Variants in RIT2 observed in about 807,000 individuals in gnomAD.
RIT2 encodes the protein Ras like without CAAX 2.
A neutral mutation model predicts 23.7 loss-of-function variants in RIT2; 24 were observed. That is an observed-to-expected ratio of 1.01 (90% CI 0.73 to 1.43). RIT2 has a LOEUF of 1.43. Among genes scored for constraint, RIT2 ranks in the 40% most tolerant of loss-of-function variants. The probability of loss-of-function intolerance (pLI) is 0.00; values close to 1 mark genes in which losing one functional copy is unlikely to be tolerated. For missense variants in RIT2, 236 were observed against 266.9 expected (o/e 0.88, Z 0.81); for synonymous variants, 107 against 91.1 (o/e 1.17, Z -0.99).
chr18:42,802,263 C>T (rs1241548706), intron 4 of RIT2, among the ~76,000 whole-genome samples: 1 of 152,026 alleles, frequency 6.6e-6, no homozygotes, highest in African/African-American at 2.4e-5. Context: ...TATCTGTAAA[C>T]CAGTTTATAC....
chr18:43,061,917 T>A (rs1435320333), intron 1 of RIT2, among the ~76,000 whole-genome samples: 1 of 152,106 alleles, frequency 6.6e-6, no homozygotes, highest in Non-Finnish European at 1.5e-5. Context: ...TCCTGCCCAC[T>A]GAGCTGCGGG....
intron 3 of RIT2, among the ~76,000 whole-genome samples, chr18:42,942,653 T>G (rs1470584893): frequency 6.6e-6 from 1 of 152,028 alleles, no homozygotes; most frequent in Non-Finnish European, 1.5e-5. Flanking sequence ...GTCCATTAGG[T>G]GAACTGTTAG....
In RIT2 at chr18:43,115,539, G is replaced by GA; in HGVS notation, c.-21dup. The GA allele has an allele frequency of 1.9e-6, 3 of 1,597,894 alleles. No individual in the cohort carries two copies. The highest frequency in any genetic ancestry group is 2.6e-6 in the Non-Finnish European group (3 of 1,175,480). ...CTCCATCTTACCCGAGGGACCGGAG[G>GA]AAAAAAAGAAGGAGAAAGTCACCCG... On this transcript the variant is annotated 5_prime_UTR_variant, in exon 1 of 5. Coordinates refer to ENST00000326695, the MANE Select transcript of RIT2 (RefSeq NM_002930.4).
At chr18:42,970,242 A>G (rs913548753) in intron 3 of RIT2, among the ~76,000 whole-genome samples, 1 of 151,572 alleles carries the variant, frequency 6.6e-6, no homozygotes, top group Non-Finnish European at 1.5e-5. Flanking sequence ...TTCTCAGCTC[A>G]TTGTAAGAAA....
At chr18:42,951,601 AT>A (rs200088629) in intron 3 of RIT2, among the ~76,000 whole-genome samples, 19 of 116,414 alleles carry the variant, frequency 1.6e-4, no homozygotes, top group East Asian at 1.1e-3. Context: ...AGAAAAAAAT[AT>A]ATATATATAT....
intron 3 of RIT2, among the ~76,000 whole-genome samples, chr18:42,962,715 T>C (rs1481995293): frequency 6.6e-6 from 1 of 152,204 alleles, no homozygotes; most frequent in African/African-American, 2.4e-5. Context: ...AGGGACTCCA[T>C]TTAGTTTCAA....
chr18:42,793,967 T>C (rs1045184671), intron 4 of RIT2, among the ~76,000 whole-genome samples: 2 of 152,160 alleles, frequency 1.3e-5, no homozygotes, highest in African/African-American at 4.8e-5. Context: ...TCCAAATCCC[T>C]TACAATTTCT....
chr18:42,845,438 TA>T (rs1408915655), intron 4 of RIT2, among the ~76,000 whole-genome samples: 3 of 150,484 alleles, frequency 2.0e-5, no homozygotes, highest in Non-Finnish European at 4.4e-5. Context: ...TATATAATTT[TA>T]TTTTTTTAAG....
chr18:43,112,219 G>A (rs916592095), intron 1 of RIT2, among the ~76,000 whole-genome samples: 2 of 152,090 alleles, frequency 1.3e-5, no homozygotes, highest in Non-Finnish European at 2.9e-5. Flanking sequence ...ACATAATGTA[G>A]TAGAGTTAGA....
At chr18:43,045,957 TATA>T (rs1912237590) in intron 1 of RIT2, among the ~76,000 whole-genome samples, 1 of 152,176 alleles carries the variant, frequency 6.6e-6, no homozygotes, top group African/African-American at 2.4e-5. Flanking sequence ...TGATAATCTT[TATA>T]ATATTATATT....
At chr18:42,792,572 CTAATT>C (rs1914067892) in intron 4 of RIT2, among the ~76,000 whole-genome samples, 1 of 152,220 alleles carries the variant, frequency 6.6e-6, no homozygotes, top group East Asian at 1.9e-4. Flanking sequence ...TATTCATTCT[CTAATT>C]TAATCCACAG....
chr18:42,871,315 T>C (rs1907616201), intron 4 of RIT2, among the ~76,000 whole-genome samples: 1 of 152,182 alleles, frequency 6.6e-6, no homozygotes, highest in African/African-American at 2.4e-5. Context: ...TCTGAAGAAG[T>C]CATAATCACT....
chr18:42,836,112 T>C (rs758432482), intron 4 of RIT2, among the ~76,000 whole-genome samples: 62 of 152,166 alleles, frequency 4.1e-4, no homozygotes, highest in Non-Finnish European at 6.6e-4. Flanking sequence ...ATTTGGACAG[T>C]AATAATCCAT....
At chr18:43,057,124 A>T (rs1281877624) in intron 1 of RIT2, among the ~76,000 whole-genome samples, 1 of 151,872 alleles carries the variant, frequency 6.6e-6, no homozygotes, top group Admixed American at 6.6e-5. Flanking sequence ...ATATTGAGTT[A>T]TATATTTCTT....
chr18:42,897,043 C>T (rs766849524), intron 4 of RIT2, among the ~76,000 whole-genome samples: 3 of 152,140 alleles, frequency 2.0e-5, no homozygotes, highest in Admixed American at 1.3e-4. Flanking sequence ...CTATCATAAT[C>T]CTTTATCTTT....
chr18:43,104,752 G>A (rs1478951458), intron 1 of RIT2, among the ~76,000 whole-genome samples: 1 of 152,040 alleles, frequency 6.6e-6, no homozygotes, highest in East Asian at 1.9e-4. Flanking sequence ...ATTAGCTGAA[G>A]TTTTTACAAT....
At chr18:42,951,789 G>T (rs1909857529) in intron 3 of RIT2, among the ~76,000 whole-genome samples, 1 of 152,066 alleles carries the variant, frequency 6.6e-6, no homozygotes, top group Admixed American at 6.6e-5. Context: ...ATGCAAATAG[G>T]AAATGTGGTT....
chr18:42,954,888 C>A (rs1232388590), intron 3 of RIT2, among the ~76,000 whole-genome samples: 1 of 152,100 alleles, frequency 6.6e-6, no homozygotes, highest in Non-Finnish European at 1.5e-5. Flanking sequence ...TCCTTCTCTG[C>A]ATAACAGACT....
chr18:42,779,748 C>T (rs1913762271), intron 4 of RIT2, among the ~76,000 whole-genome samples: 1 of 152,060 alleles, frequency 6.6e-6, no homozygotes, highest in African/African-American at 2.4e-5. Flanking sequence ...TGAGAGAAGT[C>T]AATGTGATTT....
Sources: allele counts gnomAD v4.1 joint callset (sites outside exome capture counted in the v4.1 genomes callset), GRCh38; gene constraint gnomAD v4.1.1; transcripts MANE v1.5; gene names NCBI Gene and HGNC (gene_info 2026-07-23, HGNC 2026-07-21).